PRKG1: variants seen among roughly 807,000 people sequenced by gnomAD.
PRKG1 encodes the protein protein kinase cGMP-dependent 1.
PRKG1 carries 35 observed loss-of-function variants against 88.1 expected under a neutral mutation model. That is an observed-to-expected ratio of 0.40 (90% CI 0.30 to 0.53). The LOEUF (loss-of-function observed/expected upper bound fraction) is 0.53, where lower values mean the gene tolerates loss of function less well. Among genes scored for constraint, PRKG1 ranks in the 20% least tolerant of loss-of-function variants. PRKG1 has a pLI of 0.59. For synonymous variants in PRKG1, 303 were observed against 292.5 expected (o/e 1.04, Z -0.37); for missense variants, 540 against 839.8 (o/e 0.64, Z 4.41).
At chr10:52,254,965 C>T (rs775178580) in intron 10 of PRKG1, among the ~76,000 whole-genome samples, 1 of 152,104 alleles carries the variant, frequency 6.6e-6, no homozygotes, top group Non-Finnish European at 1.5e-5. Flanking sequence ...ATCCTGTTCA[C>T]AACCATTTCC....
intron 4 of PRKG1, among the ~76,000 whole-genome samples, chr10:51,853,521 C>A (rs572792298): frequency 4.6e-5 from 7 of 152,102 alleles, no homozygotes; most frequent in Admixed American, 4.6e-4. Flanking sequence ...TTTCAATTGT[C>A]TATTAGTACA....
intron 8 of PRKG1, among the ~76,000 whole-genome samples, chr10:52,144,527 A>G (rs1837674487): frequency 6.6e-6 from 1 of 152,158 alleles, no homozygotes; most frequent in Non-Finnish European, 1.5e-5. Context: ...ACTTTAGTCT[A>G]GGGCCAGGCA....
At chr10:51,307,175 AC>A in intron 2 of PRKG1, among the ~76,000 whole-genome samples, 2 of 152,216 alleles carry the variant, frequency 1.3e-5, no homozygotes, top group African/African-American at 4.8e-5. Context: ...TAACTACTAC[AC>A]AGATATATTT....
chr10:51,964,514 G>A (rs955589171), intron 5 of PRKG1, among the ~76,000 whole-genome samples: 5 of 152,144 alleles, frequency 3.3e-5, no homozygotes, highest in South Asian at 2.1e-4. Context: ...CCATGTCATC[G>A]TGACAACAAT....
chr10:51,567,526 G>A (rs7088731), intron 3 of PRKG1, among the ~76,000 whole-genome samples: 6 of 151,992 alleles, frequency 3.9e-5, no homozygotes, highest in Non-Finnish European at 7.4e-5. Context: ...GAATGTAAGA[G>A]TTTTACATTA....
At chr10:51,114,901 T>TTTCCAGGA (rs1845073838) in intron 1 of PRKG1, among the ~76,000 whole-genome samples, 1 of 152,238 alleles carries the variant, frequency 6.6e-6, no homozygotes, top group African/African-American at 2.4e-5. Context: ...AATTTGGTTA[T>TTTCCAGGA]TACTGCTGGA....
At chr10:51,195,709 C>T (rs569618775) in intron 2 of PRKG1, among the ~76,000 whole-genome samples, 10 of 151,960 alleles carry the variant, frequency 6.6e-5, no homozygotes, top group Non-Finnish European at 1.3e-4. Flanking sequence ...TATGGTTGTT[C>T]GGGTATACAA....
intron 3 of PRKG1, among the ~76,000 whole-genome samples, chr10:51,623,497 T>G (rs1839261233): frequency 6.6e-6 from 1 of 152,244 alleles, no homozygotes; most frequent in South Asian, 2.1e-4. Flanking sequence ...TGAGCTATTG[T>G]GCACAACCAC....
intron 2 of PRKG1, among the ~76,000 whole-genome samples, chr10:51,258,988 T>A (rs1260097930): frequency 3.3e-5 from 5 of 152,240 alleles, no homozygotes; most frequent in Admixed American, 2.6e-4. Flanking sequence ...TTTCTGCTTT[T>A]AGTCATTTCA....
intron 2 of PRKG1, among the ~76,000 whole-genome samples, chr10:51,311,152 T>A (rs1364818319): frequency 6.6e-6 from 1 of 152,180 alleles, no homozygotes; most frequent in Non-Finnish European, 1.5e-5. Flanking sequence ...CATGAAGCCT[T>A]TCTTAAAATA....
intron 10 of PRKG1, among the ~76,000 whole-genome samples, chr10:52,268,954 C>T (rs1012338532): frequency 6.6e-6 from 1 of 151,804 alleles, no homozygotes. Context: ...GCAACTAGCC[C>T]GAGAGAGACT....
intron 3 of PRKG1, among the ~76,000 whole-genome samples, chr10:51,664,356 A>C (rs976442637): frequency 1.3e-5 from 2 of 152,168 alleles, no homozygotes; most frequent in African/African-American, 2.4e-5. Flanking sequence ...TTTCCAAAAC[A>C]AAAATACATT....
intron 3 of PRKG1, chr10:51,698,932 C>G: frequency 6.2e-7 from 1 of 1,614,234 alleles, no homozygotes; most frequent in Middle Eastern, 1.6e-4. Context: ...CAGACACAGA[C>G]TGAGATTTGC....
intron 3 of PRKG1, among the ~76,000 whole-genome samples, chr10:51,595,767 GATTCACCT>G (rs1838429912): frequency 6.6e-6 from 1 of 152,066 alleles, no homozygotes; most frequent in African/African-American, 2.4e-5. Context: ...GACCAGGTCA[GATTCACCT>G]ATTCACCTAT....
At chr10:52,242,632 C>T (rs994124919) in intron 9 of PRKG1, among the ~76,000 whole-genome samples, 1 of 152,106 alleles carries the variant, frequency 6.6e-6, no homozygotes, top group Non-Finnish European at 1.5e-5. Context: ...CACGGTGCCT[C>T]ACACCTGTAA....
intron 5 of PRKG1, among the ~76,000 whole-genome samples, chr10:51,964,677 A>G (rs1843525608): frequency 6.6e-6 from 1 of 152,222 alleles, no homozygotes; most frequent in South Asian, 2.1e-4. Context: ...TTATAGGTAC[A>G]CACACGCATA....
chr10:51,220,261 T>C (rs537292363), intron 2 of PRKG1, among the ~76,000 whole-genome samples: 19 of 152,226 alleles, frequency 1.2e-4, no homozygotes, highest in Admixed American at 9.8e-4. Context: ...TGAAAGAGCT[T>C]AGAAGTGGAT....
chr10:51,726,586 G>A (rs1458222283), intron 3 of PRKG1, among the ~76,000 whole-genome samples: 9 of 152,144 alleles, frequency 5.9e-5, no homozygotes, highest in Admixed American at 3.3e-4. Context: ...TTATAAAGCC[G>A]GGTGCACACA....
intron 2 of PRKG1, among the ~76,000 whole-genome samples, chr10:51,447,189 A>G (rs1370329640): frequency 6.6e-6 from 1 of 152,036 alleles, no homozygotes; most frequent in Non-Finnish European, 1.5e-5. Context: ...AAGTAGTCTC[A>G]TATTCATTTA....
Sources: gnomAD v4.1 joint callset for allele counts (sites outside exome capture counted in the v4.1 genomes callset) on GRCh38, gnomAD v4.1.1 for gene constraint, MANE v1.5 for transcripts, NCBI Gene and HGNC (gene_info 2026-07-23, HGNC 2026-07-21) for gene names.